The following CLPTM1 variants were observed in gnomAD, a reference collection of about 807,000 sequenced individuals.
CLPTM1 encodes putative lipid scramblase CLPTM1.
In CLPTM1, 21 loss-of-function variants were observed where a neutral mutation model predicts 77.3. The observed-to-expected ratio is 0.27, with a 90% CI of 0.19 to 0.39. The LOEUF (loss-of-function observed/expected upper bound fraction) is 0.39. Among genes scored for constraint, CLPTM1 ranks in the 10% least tolerant of loss-of-function variants. The pLI is 1.00. For missense variants in CLPTM1, 642 were observed against 921.2 expected, an observed-to-expected ratio of 0.70 and a Z score of 3.92; for synonymous variants, 373 against 381.0, an observed-to-expected ratio of 0.98 and a Z score of 0.24.
At chr19:44,978,801 GA>G (rs1970846069) in intron 5 of CLPTM1, among the ~76,000 whole-genome samples, 1 of 150,328 alleles carries the variant, frequency 6.7e-6, no homozygotes, top group South Asian at 2.1e-4. Context: ...GCACATTGGG[GA>G]TTAAGTTTCA....
Position 44,992,300 on chromosome 19 carries a change from G to T in CLPTM1, c.1623G>T (p.Trp541Cys), listed in dbSNP as rs1386548061. 1 of 1,614,076 alleles carries T rather than the reference G, an allele frequency of 6.2e-7. No individual in the cohort carries two copies. The highest frequency in any genetic ancestry group is 8.5e-7 in the Non-Finnish European group (1 of 1,179,986). Residue 541 changes from tryptophan (W) to cysteine (C), a missense_variant, in exon 13 of 14, where the codon TGG (tryptophan) becomes TGT (cysteine). Physicochemically the swap from Trp to Cys is radical, Grantham distance 215. This residue lies in a region of CLPTM1 where 521 missense variants were observed against 800.4 expected (regional missense o/e 0.65). Transcript: ENST00000337392. The surrounding 1 kb of genome is among the most constrained non-coding windows in gnomAD (Gnocchi z 7.7). Reference protein sequence around the residue: ...YKLKSVAHLPWRMLTYKALNT... With the variant: ...YKLKSVAHLPCRMLTYKALNT... ...TCAAGTCTGTGGCCCACCTTCCCTG[G>T]CGCATGCTCACCTACAAGGCCCTCA...
chr19:44,964,218 T>A (rs1416623212), intron 2 of CLPTM1, among the ~76,000 whole-genome samples: 1 of 151,202 alleles, frequency 6.6e-6, no homozygotes, highest in Non-Finnish European at 1.5e-5. Flanking sequence ...CTTTAACATA[T>A]GAATTTTGGG....
Position 44,955,416 on chromosome 19 carries a change from G to A in CLPTM1, c.21G>A (p.Ala7=), listed in dbSNP as rs1029661608. MAAAQE[A]DGARSAVVAA... The stretch of plus-strand genomic sequence containing the variant: ...GGAAGATGGCGGCGGCGCAGGAGGC[G>A]GACGGGGCCCGCAGCGCCGTGGTGG... Residue 7 remains alanine, a synonymous_variant, in exon 1 of 14, where the codon GCG becomes GCA. Coordinates refer to ENST00000337392, the MANE Select transcript of CLPTM1 (RefSeq NM_001294.4). 3.5e-5 allele frequency: 47 copies of A among 1,338,088 alleles called. No individual in the cohort carries two copies. In the South Asian group the frequency reaches 8.3e-4, roughly 24 times the overall value. 82.9% of individuals were successfully genotyped at this position (1,338,088 alleles called of 1,614,324 possible).
At chr19:44,988,000 C>T in intron 8 of CLPTM1, 80 bp from the exon 9 acceptor site, 1 of 1,112,600 alleles carries the variant, frequency 9.0e-7, no homozygotes, top group South Asian at 1.2e-5. Context: ...ACAGGCGGCC[C>T]CAGGGGCAGC....
intron 2 of CLPTM1, among the ~76,000 whole-genome samples, chr19:44,970,434 C>G (rs1418248640): frequency 7.3e-6 from 1 of 137,916 alleles, no homozygotes; most frequent in Non-Finnish European, 1.5e-5. Context: ...GGGTCTCACT[C>G]TGTTGCCCAG....
chr19:44,978,008 G>GCT (rs1277705445), intron 5 of CLPTM1, among the ~76,000 whole-genome samples: 1 of 152,174 alleles, frequency 6.6e-6, no homozygotes, highest in African/African-American at 2.4e-5. Context: ...TGCTCAGGAG[G>GCT]CTGAGGTGGG....
intron 2 of CLPTM1, among the ~76,000 whole-genome samples, chr19:44,964,748 T>C (rs1336361396): frequency 1.3e-5 from 2 of 152,216 alleles, no homozygotes; most frequent in Non-Finnish European, 2.9e-5. Flanking sequence ...AAGCTTCCCA[T>C]TTCTTCCTCC....
chr19:44,973,773 T>TTTTTC (rs1034104457), intron 3 of CLPTM1, among the ~76,000 whole-genome samples: 5 of 145,976 alleles, frequency 3.4e-5, no homozygotes, highest in African/African-American at 1.3e-4. Flanking sequence ...TTTTTTTTTT[T>TTTTTC]TTTTTTTTGA....
In CLPTM1 at chr19:44,955,446, C is replaced by G; in HGVS notation, c.51C>G (p.Ala17=). Residue 17 remains alanine, a synonymous_variant, in exon 1 of 14, where the codon GCC becomes GCG. Coordinates refer to ENST00000337392, the MANE Select transcript of CLPTM1 (RefSeq NM_001294.4). The stretch of plus-strand genomic sequence containing the variant: ...GGGCCCGCAGCGCCGTGGTGGCGGC[C>G]GGGGGAGGCAGCTCCGGTCAGGTAC... ...ADGARSAVVA[A]GGGSSGQVTS... The G allele has an allele frequency of 1.6e-6, 2 of 1,287,198 alleles. No individual in the cohort carries two copies. Among genetic ancestry groups the G allele is most frequent in the South Asian group, 2.6e-5 (1 of 38,910 alleles). The allele number at this position is 1,287,198 out of a possible 1,614,324, so 79.7% of individuals were successfully genotyped here.
chr19:44,990,433 C>T lies in CLPTM1; in HGVS notation c.1171C>T (p.Leu391=). ...FWNSRQSLEG[L]SVRSVFFGVF... ...GAACAGCCGGCAGTCCCTGGAGGGC[C>T]TGTCCGTGCGCTCCGTCTTCTTCGG... The change falls in exon 10 of 14, where the codon CTG becomes TTG. Residue 391 remains leucine (L), a synonymous_variant. Coordinates refer to ENST00000337392, the MANE Select transcript of CLPTM1 (RefSeq NM_001294.4). This position sits in a 1 kb window ranked among gnomAD's most constrained non-coding sequence, Gnocchi z 4.8. The T allele has an allele frequency of 6.2e-7, 1 of 1,614,092 alleles. No individual in the cohort carries two copies. The highest frequency in any genetic ancestry group is 8.5e-7 in the Non-Finnish European group (1 of 1,179,978).
At chr19:44,988,959 T>C (rs1375419633) in intron 9 of CLPTM1, among the ~76,000 whole-genome samples, 1 of 151,828 alleles carries the variant, frequency 6.6e-6, no homozygotes, top group Non-Finnish European at 1.5e-5. Context: ...GGTGGGAGGA[T>C]CACCTAAGCC....
intron 4 of CLPTM1, among the ~76,000 whole-genome samples, chr19:44,976,906 A>G (rs1432151296): frequency 6.6e-6 from 1 of 152,156 alleles, no homozygotes; most frequent in African/African-American, 2.4e-5. Context: ...AACTCGTTAG[A>G]TTAGGAAGCT....
chr19:44,957,338 ACTGT>A (rs1305664920), intron 1 of CLPTM1, among the ~76,000 whole-genome samples: 1 of 152,196 alleles, frequency 6.6e-6, no homozygotes, highest in East Asian at 1.9e-4. Context: ...ACTGGGTTTC[ACTGT>A]CTGGGGACTG....
At position 44,990,163 on chromosome 19, in the gene CLPTM1, G is replaced by A; in HGVS notation, c.1133-232G>A. ...CAAGGGACTGCACCTTGGGGTGCTGGGTGCTGACGTCCTATGGGAGGGCTC... is the reference window on the plus strand; with the variant it reads ...CAAGGGACTGCACCTTGGGGTGCTGAGTGCTGACGTCCTATGGGAGGGCTC... On this transcript the variant is annotated intron_variant, in intron 9 of 13. Coordinates refer to ENST00000337392, the MANE Select transcript of CLPTM1 (RefSeq NM_001294.4). The surrounding 1 kb of genome is among the most constrained non-coding windows in gnomAD (Gnocchi z 4.8). 3.6e-6 allele frequency: 2 copies of A among 550,096 alleles called. No individual in the cohort carries two copies. The highest frequency in any genetic ancestry group is 5.1e-5 in the South Asian group (2 of 39,186). The allele number at this position is 550,096 out of a possible 1,614,324, so 34.1% of individuals were successfully genotyped here.
At chr19:44,965,183 G>A (rs1289259245) in intron 2 of CLPTM1, among the ~76,000 whole-genome samples, 2 of 152,116 alleles carry the variant, frequency 1.3e-5, no homozygotes, top group African/African-American at 4.8e-5. Context: ...GAGATAGAAG[G>A]AATTGCACAG....
At chr19:44,982,383 C>T (rs1254949679) in intron 5 of CLPTM1, among the ~76,000 whole-genome samples, 1 of 151,282 alleles carries the variant, frequency 6.6e-6, no homozygotes. Flanking sequence ...TGTTTTATAT[C>T]ATAGCACTTC....
chr19:44,986,564 C>T lies in CLPTM1; in HGVS notation c.782C>T (p.Pro261Leu). ...TGGGTGAAGGGCAGTGTGCCCCCTC[C>T]CCTGGATCAATGTAAGCTCCCCAGC... The part of the protein sequence containing the change: ...TPWVKGSVPP[P>L]LDQYVKFDAV... Residue 261 changes from proline (P) to leucine (L), a missense_variant, in exon 7 of 14, where the codon CCC (proline) becomes CTC (leucine). Pro to Leu is a moderately conservative substitution (Grantham distance 98). Around this residue, in one of 2 missense-constraint regions of CLPTM1, gnomAD observed 521 missense variants for 800.4 expected, o/e 0.65. Coordinates refer to ENST00000337392, the MANE Select transcript of CLPTM1 (RefSeq NM_001294.4). 1.9e-6 allele frequency: 3 copies of T among 1,613,818 alleles called. No homozygotes were observed. Among genetic ancestry groups the T allele is most frequent in the Non-Finnish European group, 2.5e-6 (3 of 1,179,938 alleles).
At chr19:44,954,620 G>A (rs1970428015), upstream of CLPTM1, 1 of 1,072,186 alleles carries the variant, frequency 9.3e-7, no homozygotes, top group Admixed American at 4.9e-5. Context: ...AGATGGCCGG[G>A]TTTAGAGCTG....
intron 1 of CLPTM1, 191 bp downstream of exon 1, chr19:44,955,658 G>A (rs1350586478): frequency 4.1e-6 from 2 of 491,452 alleles, no homozygotes; most frequent in African/African-American, 4.0e-5. Context: ...GCCCTGTTGC[G>A]GGTCGGTTCC....
Sources: allele counts gnomAD v4.1 joint callset (sites outside exome capture counted in the v4.1 genomes callset), GRCh38; gene constraint gnomAD v4.1.1; regional missense constraint gnomAD v4.1.1; non-coding constraint Gnocchi (gnomAD v3.1); transcripts MANE v1.5; gene names NCBI Gene and HGNC (gene_info 2026-07-23, HGNC 2026-07-21).